Variants in MOB3B observed in about 807,000 individuals in gnomAD.
MOB3B encodes the protein MOB kinase activator-like 2B.
In MOB3B, 7 loss-of-function variants were observed where a neutral mutation model predicts 18.7. That is an observed-to-expected ratio of 0.37 (90% CI 0.21 to 0.70). The LOEUF (loss-of-function observed/expected upper bound fraction) is 0.70, where lower values mean the gene tolerates loss of function less well. Among genes scored for constraint, MOB3B ranks in the 30% least tolerant of loss-of-function variants. The pLI, the probability that MOB3B is intolerant of heterozygous loss-of-function variation, is 0.52. For missense variants in MOB3B, 253 were observed against 281.3 expected (o/e 0.90, Z 0.72); for synonymous variants, 111 against 99.9 (o/e 1.11, Z -0.66).
At chr9:27,437,261 G>A (rs111925249) in intron 2 of MOB3B, among the ~76,000 whole-genome samples, 11 of 152,196 alleles carry the variant, frequency 7.2e-5, no homozygotes, top group African/African-American at 1.7e-4. Context: ...GTGGGAAATG[G>A]GCTACAGTTG....
At position 27,326,844 on chromosome 9, in the gene MOB3B, A is replaced by C. The variant is rs916611712; in HGVS notation, c.*3743T>G. 14 of 340,804 alleles carry C rather than the reference A, an allele frequency of 4.1e-5. No individual in the cohort carries two copies. In the East Asian group the frequency reaches 6.1e-4, roughly 15 times the overall value. The allele number at this position is 340,804 out of a possible 1,614,324, so 21.1% of individuals were successfully genotyped here. A position where few individuals can be genotyped will look rare whatever the true frequency, so the allele number is the denominator to read the frequency against. On this transcript the variant is annotated 3_prime_UTR_variant, in exon 4 of 4. Transcript: ENST00000262244. ...CATCACCATGAAATTTTAATACCAC[A>C]TAAATACTTTGTATCTGTTTATGTA...
rs1252007378 is a variant in MOB3B at position 27,357,126 on chromosome 9, A to ATATATATATATATATATATG, written c.621+1888_621+1907dup. On this transcript the variant is annotated intron_variant, in intron 3 of 3. Coordinates refer to ENST00000262244, the MANE Select transcript of MOB3B (RefSeq NM_024761.5). ...CAGGACTACTGAGTAATGCAAATAT[A>ATATATATATATATATATATG]TATATATATATATATATATGTGTTT... 8.6e-5 allele frequency among the ~76,000 whole-genome samples: 7 copies of ATATATATATATATATATATG among 81,296 alleles called. 1 individual carries two copies. Among genetic ancestry groups the ATATATATATATATATATATG allele is most frequent in the African/African-American group, 1.8e-4 (4 of 21,898 alleles). The allele number at this position is 81,296 out of a possible 152,430, so 53.3% of individuals were successfully genotyped here. A position where few individuals can be genotyped will look rare whatever the true frequency, so the allele number is the denominator to read the frequency against.
intron 2 of MOB3B, among the ~76,000 whole-genome samples, chr9:27,374,282 G>A (rs922895429): frequency 1.3e-5 from 2 of 151,618 alleles, no homozygotes; most frequent in African/African-American, 4.9e-5. Context: ...AGTGATACAG[G>A]TGGTGAAGCT....
intron 2 of MOB3B, among the ~76,000 whole-genome samples, chr9:27,403,483 A>C (rs1821915449): frequency 6.6e-6 from 1 of 150,484 alleles, no homozygotes; most frequent in South Asian, 2.1e-4. Context: ...TCTATCTCCT[A>C]AACTGCTTAA....
intron 2 of MOB3B, chr9:27,378,530 G>A (rs745906504): frequency 1.1e-5 from 5 of 470,954 alleles, no homozygotes; most frequent in East Asian, 6.9e-5. Flanking sequence ...TGGAACCAGG[G>A]GGCAGCTTGG....
At chr9:27,400,747 C>T (rs1333998412) in intron 2 of MOB3B, among the ~76,000 whole-genome samples, 2 of 152,166 alleles carry the variant, frequency 1.3e-5, no homozygotes, top group Admixed American at 1.3e-4. Flanking sequence ...GGCCACTGGC[C>T]TTTTATGATG....
In MOB3B at chr9:27,330,530, C is replaced by T; in HGVS notation, c.*57G>A. 3.1e-6 allele frequency: 5 copies of T among 1,611,994 alleles called. No homozygotes were observed. The South Asian group carries it at 3.3e-5, about 11-fold the overall frequency. The stretch of plus-strand genomic sequence containing the variant: ...CAGCCAGGGTGGTCCACCTCCTGCC[C>T]GCTCAGGGCACCAGGAGGAAACAGC... On this transcript the variant is annotated 3_prime_UTR_variant, in exon 4 of 4. Transcript: ENST00000262244.
chr9:27,496,858 C>T (rs1240438357), intron 1 of MOB3B, among the ~76,000 whole-genome samples: 1 of 152,170 alleles, frequency 6.6e-6, no homozygotes, highest in Non-Finnish European at 1.5e-5. Flanking sequence ...CCCAAGGGTT[C>T]CCAAAGCAAA....
chr9:27,423,765 G>A (rs1822289998), intron 2 of MOB3B, among the ~76,000 whole-genome samples: 1 of 152,128 alleles, frequency 6.6e-6, no homozygotes, highest in Non-Finnish European at 1.5e-5. Context: ...ATACATATTT[G>A]TTTAATAAAT....
intron 1 of MOB3B, among the ~76,000 whole-genome samples, chr9:27,477,700 A>G (rs1282748133): frequency 6.6e-6 from 1 of 152,248 alleles, no homozygotes; most frequent in African/African-American, 2.4e-5. Flanking sequence ...TGTACCTCAT[A>G]TACCTGTAAG....
intron 2 of MOB3B, among the ~76,000 whole-genome samples, chr9:27,414,695 C>T (rs1822119973): frequency 6.6e-6 from 1 of 152,090 alleles, no homozygotes; most frequent in African/African-American, 2.4e-5. Context: ...AACATAAACA[C>T]AAGGTGACAC....
chr9:27,333,832 A>AAAGAGGACC (rs1416887321), intron 3 of MOB3B, among the ~76,000 whole-genome samples: 2 of 152,176 alleles, frequency 1.3e-5, no homozygotes, highest in Non-Finnish European at 2.9e-5. Flanking sequence ...CCTGTCAAAG[A>AAAGAGGACC]AAGAGGACCC....
At chr9:27,346,043 GGCCTTTT>G (rs1190319797) in intron 3 of MOB3B, among the ~76,000 whole-genome samples, 2 of 152,134 alleles carry the variant, frequency 1.3e-5, no homozygotes, top group African/African-American at 4.8e-5. Context: ...TAAGAGGTGG[GGCCTTTT>G]GGGAAGTGAC....
chr9:27,410,581 G>A (rs1822051866), intron 2 of MOB3B, among the ~76,000 whole-genome samples: 1 of 152,000 alleles, frequency 6.6e-6, no homozygotes, highest in African/African-American at 2.4e-5. Flanking sequence ...GTTAAGCACA[G>A]GCAAGCTGAC....
At chr9:27,382,465 A>G (rs990151949) in intron 2 of MOB3B, among the ~76,000 whole-genome samples, 4 of 152,086 alleles carry the variant, frequency 2.6e-5, no homozygotes, top group Admixed American at 6.6e-5. Context: ...TGTTTAGAAG[A>G]TCAGGGCCAA....
chr9:27,418,661 A>G (rs1587198486), intron 2 of MOB3B, among the ~76,000 whole-genome samples: 1 of 152,210 alleles, frequency 6.6e-6, no homozygotes, highest in Non-Finnish European at 1.5e-5. Context: ...TCTCAGAAAA[A>G]TCAGCATACA....
chr9:27,411,406 T>C (rs1822065332), intron 2 of MOB3B, among the ~76,000 whole-genome samples: 1 of 152,212 alleles, frequency 6.6e-6, no homozygotes, highest in African/African-American at 2.4e-5. Context: ...TACCAATTTC[T>C]TGGGATTACA....
At chr9:27,524,262 T>C in intron 1 of MOB3B, 1 of 1,459,762 alleles carries the variant, frequency 6.9e-7, no homozygotes, top group Non-Finnish European at 9.2e-7. Context: ...TTCAGGTATA[T>C]AAAGGCACAT....
intron 2 of MOB3B, among the ~76,000 whole-genome samples, chr9:27,396,014 CT>C (rs1296957856): frequency 1.3e-5 from 2 of 151,856 alleles, no homozygotes; most frequent in Admixed American, 6.6e-5. Context: ...GTTATGTTAC[CT>C]TTTTTGGATA....
Sources: allele counts gnomAD v4.1 joint callset (sites outside exome capture counted in the v4.1 genomes callset), GRCh38; gene constraint gnomAD v4.1.1; transcripts MANE v1.5; gene names NCBI Gene and HGNC (gene_info 2026-07-23, HGNC 2026-07-21).